Variants in FER observed in about 807,000 individuals in gnomAD.
FER encodes tyrosine-protein kinase Fer.
Under a neutral mutation model 111.0 loss-of-function variants are expected in FER, and 63 were observed. The ratio of observed to expected loss-of-function variants is 0.57; its 90% CI spans 0.46 to 0.70. The LOEUF (loss-of-function observed/expected upper bound fraction) is 0.70, where lower values mean the gene tolerates loss of function less well. Among genes scored for constraint, FER ranks in the 30% least tolerant of loss-of-function variants. The pLI, the probability that FER is intolerant of heterozygous loss-of-function variation, is 0.00. For missense variants in FER, 914 were observed against 954.0 expected, an observed-to-expected ratio of 0.96 and a Z score of 0.55; for synonymous variants, 327 against 313.9, an observed-to-expected ratio of 1.04 and a Z score of -0.44.
intron 3 of FER, chr5:108,819,947 A>T (rs948327043): frequency 4.1e-6 from 4 of 985,174 alleles, no homozygotes; most frequent in Non-Finnish European, 4.8e-6. Flanking sequence ...TTTGTTTTTT[A>T]AAAAAATATT....
intron 17 of FER, among the ~76,000 whole-genome samples, chr5:109,129,436 A>G (rs1275431779): frequency 6.6e-6 from 1 of 152,042 alleles, no homozygotes; most frequent in Non-Finnish European, 1.5e-5. Flanking sequence ...GTCCTGTATC[A>G]TATAGTAATT....
intron 2 of FER, among the ~76,000 whole-genome samples, chr5:108,782,271 C>G (rs2149998262): frequency 6.6e-6 from 1 of 150,446 alleles, no homozygotes; most frequent in South Asian, 2.1e-4. Flanking sequence ...GTAGGATGGC[C>G]TAGTGACTTC....
intron 3 of FER, among the ~76,000 whole-genome samples, chr5:108,815,123 A>G (rs1479070186): frequency 2.0e-5 from 3 of 152,054 alleles, no homozygotes; most frequent in Admixed American, 1.3e-4. Context: ...CCAATTTACT[A>G]TATATGGAAT....
At chr5:109,181,520 A>C (rs1405097453) in intron 18 of FER, among the ~76,000 whole-genome samples, 1 of 152,194 alleles carries the variant, frequency 6.6e-6, no homozygotes, top group African/African-American at 2.4e-5. Flanking sequence ...AGAATTTAAG[A>C]GAAAAAAAAA....
intron 8 of FER, among the ~76,000 whole-genome samples, chr5:108,875,076 C>T (rs556428773): frequency 4.6e-5 from 7 of 152,156 alleles, no homozygotes; most frequent in East Asian, 3.9e-4. Context: ...ATATGTACCA[C>T]GAAGCATTTT....
chr5:108,838,666 A>G (rs1357694548), intron 5 of FER, among the ~76,000 whole-genome samples: 1 of 152,186 alleles, frequency 6.6e-6, no homozygotes, highest in Non-Finnish European at 1.5e-5. Context: ...ATACAAAGGA[A>G]CACTCGTTTA....
chr5:108,936,866 GAAAAT>G (rs929212382), intron 10 of FER, among the ~76,000 whole-genome samples: 1 of 151,794 alleles, frequency 6.6e-6, no homozygotes, highest in African/African-American at 2.4e-5. Flanking sequence ...AAATGCAAAG[GAAAAT>G]ATCTTTTAAC....
chr5:108,917,323 T>G (rs1167901046), intron 10 of FER, among the ~76,000 whole-genome samples: 1 of 152,168 alleles, frequency 6.6e-6, no homozygotes, highest in African/African-American at 2.4e-5. Context: ...GCCATGCTTT[T>G]AAGGTGATGG....
chr5:108,831,493 C>G (rs532085593), intron 3 of FER, among the ~76,000 whole-genome samples: 2 of 152,180 alleles, frequency 1.3e-5, no homozygotes, highest in African/African-American at 4.8e-5. Context: ...GTGTTAAGAG[C>G]AAATTAGTGA....
chr5:109,126,739 T>C (rs1751779682), intron 17 of FER, among the ~76,000 whole-genome samples: 1 of 152,204 alleles, frequency 6.6e-6, no homozygotes, highest in South Asian at 2.1e-4. Flanking sequence ...TAACTCATCT[T>C]AGGCAAGAGA....
rs1363695447 is a variant in FER at position 109,195,501 on chromosome 5, A to G, written c.*7926A>G. The G allele has an allele frequency of 2.0e-5, 3 of 152,222 alleles. No individual in the cohort carries two copies. 9.4% of individuals were successfully genotyped at this position (152,222 alleles called of 1,614,324 possible). A position where few individuals can be genotyped will look rare whatever the true frequency, so the allele number is the denominator to read the frequency against. On this transcript the variant is annotated 3_prime_UTR_variant, in exon 20 of 20. Coordinates refer to ENST00000281092, the MANE Select transcript of FER (RefSeq NM_005246.4). ...TGATTTCCCATAACAAGTAAATTTT[A>G]TAATCCTATGATTCTAAATTCAATC...
chr5:109,042,224 CA>C (rs1181723686), intron 14 of FER, among the ~76,000 whole-genome samples: 1 of 152,044 alleles, frequency 6.6e-6, no homozygotes, highest in Non-Finnish European at 1.5e-5. Context: ...AGTCAAGGGG[CA>C]TAAGATTTGT....
chr5:109,050,366 A>G (rs183032684), intron 16 of FER, among the ~76,000 whole-genome samples: 11 of 152,336 alleles, frequency 7.2e-5, no homozygotes, highest in African/African-American at 2.6e-4. Context: ...TCCATGAGAA[A>G]GGTTCAAATT....
chr5:109,058,171 A>C (rs1278904659), intron 16 of FER, among the ~76,000 whole-genome samples: 2 of 148,210 alleles, frequency 1.3e-5, no homozygotes, highest in African/African-American at 2.5e-5. Flanking sequence ...GATTTAATAA[A>C]ATTCTCTGTA....
chr5:109,057,522 A>C, intron 16 of FER, among the ~76,000 whole-genome samples: 1 of 115,178 alleles, frequency 8.7e-6, no homozygotes, highest in African/African-American at 3.2e-5. Flanking sequence ...ACAGGGTCTC[A>C]CTCTGTCACC....
chr5:109,146,725 T>A lies in FER; in HGVS notation c.2049-34022T>A, dbSNP rs767312441. Among the ~76,000 whole-genome samples, 6 of 152,132 alleles carry A rather than the reference T, an allele frequency of 3.9e-5. No homozygotes were observed. The East Asian group carries it at 1.2e-3, about 29-fold the overall frequency. On this transcript the variant is annotated intron_variant, in intron 17 of 19. Coordinates refer to ENST00000281092, the MANE Select transcript of FER (RefSeq NM_005246.4). ...CACATCGATTTGAATGATTTAAATA[T>A]CCATATGCCAGAGATGCAGTACTGA...
intron 5 of FER, among the ~76,000 whole-genome samples, chr5:108,845,630 G>A (rs1761957822): frequency 6.7e-6 from 1 of 150,364 alleles, no homozygotes; most frequent in Non-Finnish European, 1.5e-5. Flanking sequence ...TTGCCTAATT[G>A]CCCTGGCTAG....
At chr5:108,827,504 A>G (rs1759589486) in intron 3 of FER, among the ~76,000 whole-genome samples, 1 of 152,216 alleles carries the variant, frequency 6.6e-6, no homozygotes, top group South Asian at 2.1e-4. Context: ...TTATTAATCT[A>G]TGGTTATTTC....
At chr5:108,887,258 C>G (rs1022407427) in intron 9 of FER, among the ~76,000 whole-genome samples, 1 of 151,378 alleles carries the variant, frequency 6.6e-6, no homozygotes, top group Non-Finnish European at 1.5e-5. Flanking sequence ...TTTGTTGTAT[C>G]AAAATATGAG....
Sources: gnomAD v4.1 joint callset for allele counts (sites outside exome capture counted in the v4.1 genomes callset) on GRCh38, gnomAD v4.1.1 for gene constraint, MANE v1.5 for transcripts, NCBI Gene and HGNC (gene_info 2026-07-23, HGNC 2026-07-21) for gene names.